FBXL13: variants seen among roughly 807,000 people sequenced by gnomAD.
The protein encoded by FBXL13 is F-box and leucine-rich repeat protein 13.
FBXL13 carries 67 observed loss-of-function variants against 83.6 expected under a neutral mutation model. That is an observed-to-expected ratio of 0.80 (90% CI 0.66 to 0.98). The LOEUF is 0.98. FBXL13 is among the 50% of genes least tolerant of loss of function. The pLI, the probability that FBXL13 is intolerant of heterozygous loss-of-function variation, is 0.00. For missense variants in FBXL13, 822 were observed against 866.5 expected (o/e 0.95, Z 0.64); for synonymous variants, 272 against 299.5 (o/e 0.91, Z 0.95).
intron 17 of FBXL13, among the ~76,000 whole-genome samples, chr7:102,833,655 C>T (rs2129447723): frequency 6.6e-6 from 1 of 151,006 alleles, no homozygotes; most frequent in African/African-American, 2.4e-5. Flanking sequence ...TGGTCTTGAA[C>T]TCCTGACCTC....
At chr7:103,014,366 T>C (rs889763385) in intron 6 of FBXL13, among the ~76,000 whole-genome samples, 1 of 151,106 alleles carries the variant, frequency 6.6e-6, no homozygotes, top group Non-Finnish European at 1.5e-5. Flanking sequence ...AACAAAAAAA[T>C]CAAATCAGTA....
exon 20 of FBXL13, chr7:102,813,520 T>G: frequency 6.2e-7 from 1 of 1,613,950 alleles, no homozygotes; most frequent in East Asian, 2.2e-5. Context: ...TGACATTCTT[T>G]GAGCTGCCTT....
chr7:102,866,042 AC>A (rs1444121614), intron 16 of FBXL13, among the ~76,000 whole-genome samples: 5 of 152,070 alleles, frequency 3.3e-5, no homozygotes, highest in Non-Finnish European at 7.4e-5. Flanking sequence ...AAATGTATCA[AC>A]CTCTCTGACC....
At position 102,877,460 on chromosome 7, in the gene FBXL13, T is replaced by G; in HGVS notation, c.1635+7A>C. ...AAAAGTCATTGTACTGTTTTGAATTTTTTTACCTCATTAGAGATGTCTGTT... is the reference window on the plus strand; with the variant it reads ...AAAAGTCATTGTACTGTTTTGAATTGTTTTACCTCATTAGAGATGTCTGTT... On this transcript the variant is annotated splice_region_variant and intron_variant, in intron 16 of 19. Coordinates refer to ENST00000313221, the Ensembl canonical transcript of FBXL13. The G allele has an allele frequency of 6.4e-7, 1 of 1,574,302 alleles. No homozygotes were observed. Among genetic ancestry groups the G allele is most frequent in the Non-Finnish European group, 8.6e-7 (1 of 1,165,700 alleles).
intron 2 of FBXL13, among the ~76,000 whole-genome samples, chr7:103,052,376 A>G (rs1189455724): frequency 6.6e-6 from 1 of 152,150 alleles, no homozygotes; most frequent in Non-Finnish European, 1.5e-5. Flanking sequence ...AGTGCATGCC[A>G]CTGTGCCTGG....
At chr7:102,943,703 T>C (rs1400484783) in intron 8 of FBXL13, among the ~76,000 whole-genome samples, 1 of 152,170 alleles carries the variant, frequency 6.6e-6, no homozygotes, top group Non-Finnish European at 1.5e-5. Context: ...ACCCATTACA[T>C]ATACGTTTTC....
intron 8 of FBXL13, among the ~76,000 whole-genome samples, chr7:102,940,022 G>C (rs765116505): frequency 8.6e-5 from 13 of 151,688 alleles, no homozygotes; most frequent in Admixed American, 4.6e-4. Context: ...AGCCTCCCAA[G>C]CAGCTGGGAT....
chr7:102,975,079 G>A (rs934059499), intron 6 of FBXL13, among the ~76,000 whole-genome samples: 1 of 152,084 alleles, frequency 6.6e-6, no homozygotes, highest in Non-Finnish European at 1.5e-5. Context: ...ACCACTTTCA[G>A]GTTCTTCCTT....
chr7:102,820,144 G>A (rs955207867), intron 19 of FBXL13, among the ~76,000 whole-genome samples: 3 of 152,208 alleles, frequency 2.0e-5, no homozygotes, highest in South Asian at 2.1e-4. Flanking sequence ...AGATGGAATC[G>A]AGGGATTCTA....
At chr7:102,874,337 T>G in intron 16 of FBXL13, 2 of 985,454 alleles carry the variant, frequency 2.0e-6, no homozygotes, top group Non-Finnish European at 2.4e-6. Context: ...CTTCCTCAGC[T>G]GTTGTAGCAC....
At chr7:103,009,863 C>T (rs967178874) in intron 6 of FBXL13, among the ~76,000 whole-genome samples, 3 of 152,230 alleles carry the variant, frequency 2.0e-5, no homozygotes, top group Non-Finnish European at 4.4e-5. Flanking sequence ...TTTGTGTGAA[C>T]TCAGCTGGGG....
chr7:102,987,244 C>G (rs929112783), intron 6 of FBXL13, among the ~76,000 whole-genome samples: 7 of 152,026 alleles, frequency 4.6e-5, no homozygotes, highest in Non-Finnish European at 8.8e-5. Flanking sequence ...CAGATTTCAC[C>G]AGTATATAAT....
At chr7:102,860,037 G>A (rs372935685) in intron 16 of FBXL13, among the ~76,000 whole-genome samples, 112 of 152,294 alleles carry the variant, frequency 7.4e-4, no homozygotes, top group African/African-American at 2.6e-3. Context: ...CTTCGTTATA[G>A]CTCCAGTATC....
In FBXL13 at chr7:103,024,500, C is replaced by T. The variant is rs1398491274; in HGVS notation, c.495+563G>A. ...TGAGATTGCACCAATGCACTTCCAG[C>T]CTGGGCAACAAGAGCGAAACTCCAT... is the stretch of plus-strand genomic sequence containing the variant. On this transcript the variant is annotated intron_variant, in intron 6 of 19. Transcript: ENST00000313221. 8.0e-5 allele frequency among the ~76,000 whole-genome samples: 11 copies of T among 137,412 alleles called. No individual in the cohort carries two copies. In the East Asian group the frequency reaches 2.2e-3, roughly 27 times the overall value. 90.1% of individuals were successfully genotyped at this position (137,412 alleles called of 152,430 possible).
At chr7:103,010,579 G>A (rs1326155489) in intron 6 of FBXL13, among the ~76,000 whole-genome samples, 1 of 152,116 alleles carries the variant, frequency 6.6e-6, no homozygotes, top group Non-Finnish European at 1.5e-5. Flanking sequence ...GTGCAGTAGG[G>A]GGGTTTAGGG....
At chr7:102,871,815 A>T (rs767510388) in intron 16 of FBXL13, among the ~76,000 whole-genome samples, 53 of 152,122 alleles carry the variant, frequency 3.5e-4, no homozygotes, top group Non-Finnish European at 6.9e-4. Flanking sequence ...TTTAGCTACT[A>T]AACATTCTTT....
intron 6 of FBXL13, among the ~76,000 whole-genome samples, chr7:102,975,211 G>A (rs1311649952): frequency 6.6e-6 from 1 of 152,140 alleles, no homozygotes; most frequent in Non-Finnish European, 1.5e-5. Context: ...TAAAGTTTAT[G>A]TTCCCCTCTC....
intron 10 of FBXL13, among the ~76,000 whole-genome samples, chr7:102,922,935 G>A (rs908158255): frequency 2.0e-5 from 3 of 151,980 alleles, no homozygotes; most frequent in Non-Finnish European, 4.4e-5. Flanking sequence ...CTGAGATCGC[G>A]CCACTGCACT....
In FBXL13 at chr7:102,912,680, C is replaced by A. The variant is rs116275663; in HGVS notation, c.1008+406G>T. On this transcript the variant is annotated intron_variant, in intron 11 of 19. Coordinates refer to ENST00000313221, the Ensembl canonical transcript of FBXL13. ...TCACTTATAGCATTTTACCCCCCCC[C>A]CCCCAAAAAAAAACCCATGTGGGAG... Among the ~76,000 whole-genome samples, 1,065 of 138,274 alleles carry A rather than the reference C, an allele frequency of 7.7e-3. 86 individuals are homozygous for A. Among genetic ancestry groups the A allele is most frequent in the African/African-American group, 0.027 (1,008 of 37,098 alleles). 90.7% of individuals were successfully genotyped at this position (138,274 alleles called of 152,430 possible).
Sources: gnomAD v4.1 joint callset for allele counts (sites outside exome capture counted in the v4.1 genomes callset) on GRCh38, gnomAD v4.1.1 for gene constraint, MANE v1.5 for transcripts, NCBI Gene and HGNC (gene_info 2026-07-23, HGNC 2026-07-21) for gene names.